The following RNF20 variants were observed in gnomAD, a reference collection of about 807,000 sequenced individuals.
RNF20 encodes E3 ubiquitin-protein ligase BRE1A.
Under a neutral mutation model 126.2 loss-of-function variants are expected in RNF20, and 84 were observed. The observed-to-expected ratio is 0.67, with a 90% CI of 0.56 to 0.80. The LOEUF (loss-of-function observed/expected upper bound fraction) is 0.80. Ranked by LOEUF, RNF20 falls within the 30% of genes least tolerant of loss-of-function variation. The pLI is 0.00. For synonymous variants in RNF20, 400 were observed against 414.3 expected, an observed-to-expected ratio of 0.97 and a Z score of 0.42; for missense variants, 869 against 1,188.2, an observed-to-expected ratio of 0.73 and a Z score of 3.95.
chr9:101,542,693 A>G (rs181180662), intron 5 of RNF20, among the ~76,000 whole-genome samples: 24 of 152,364 alleles, frequency 1.6e-4, no homozygotes, highest in South Asian at 1.2e-3. Context: ...TGCATAGACT[A>G]TGTTAAACTT....
At chr9:101,543,569 G>GTCTAACCTGCCAGGGCGGCACTC (rs1827296756) in intron 5 of RNF20, among the ~76,000 whole-genome samples, 2 of 146,612 alleles carry the variant, frequency 1.4e-5, no homozygotes, top group Non-Finnish European at 3.0e-5. Context: ...GGGCGGCACT[G>GTCTAACCTGCCAGGGCGGCACTC]TCTAACCTGC....
At chr9:101,535,753 T>C (rs1827172884) in intron 2 of RNF20, among the ~76,000 whole-genome samples, 1 of 152,332 alleles carries the variant, frequency 6.6e-6, no homozygotes, top group East Asian at 1.9e-4. Context: ...GTTTTCAAGG[T>C]GTACTTATAT....
intron 10 of RNF20, 63 bp from the exon 11 acceptor site, chr9:101,551,621 A>G: frequency 2.5e-6 from 2 of 801,774 alleles, no homozygotes; most frequent in Non-Finnish European, 3.4e-6. Context: ...TAATCCATAG[A>G]ATATGATGAT....
intron 9 of RNF20, among the ~76,000 whole-genome samples, chr9:101,550,298 A>G (rs1311220680): frequency 1.3e-5 from 2 of 152,312 alleles, no homozygotes; most frequent in South Asian, 2.1e-4. Flanking sequence ...GTCCTCAACT[A>G]TGTTTTTAAA....
chr9:101,537,099 G>A (rs1460148261), intron 2 of RNF20, among the ~76,000 whole-genome samples: 2 of 152,216 alleles, frequency 1.3e-5, no homozygotes, highest in African/African-American at 4.8e-5. Flanking sequence ...TCTCCAAAGT[G>A]TGCTTGAAGT....
chr9:101,561,687 G>A (rs1378606619), intron 18 of RNF20, among the ~76,000 whole-genome samples: 4 of 152,124 alleles, frequency 2.6e-5, no homozygotes, highest in Non-Finnish European at 5.9e-5. Flanking sequence ...GGACTGAATT[G>A]GTAATAGATG....
chr9:101,543,410 CCTGCCAGAGCGGCACTGTCTAACT>C (rs1827288908), intron 5 of RNF20, among the ~76,000 whole-genome samples: 1 of 136,278 alleles, frequency 7.3e-6, no homozygotes, highest in East Asian at 2.1e-4. Flanking sequence ...CACTGTCTAA[CCTGCCAGAGCGGCACTGTCTAACT>C]CTGCCAGGGC....
At chr9:101,556,869 T>C (rs893452475) in intron 15 of RNF20, among the ~76,000 whole-genome samples, 1 of 151,992 alleles carries the variant, frequency 6.6e-6, no homozygotes, top group African/African-American at 2.4e-5. Context: ...GCAAAAGAAA[T>C]GAGTTGGTTA....
At position 101,562,030 on chromosome 9, in the gene RNF20, G is replaced by A. The variant is rs1827635547; in HGVS notation, c.2751+19G>A. On this transcript the variant is annotated intron_variant, in intron 19 of 19. Transcript: ENST00000389120. ...TTACAAGGTTAGAAAAAATGCCTTA[G>A]TGATTAGTTTTTTGTCAAAGCTTTA... The A allele has an allele frequency of 6.4e-7, 1 of 1,556,950 alleles. No homozygotes were observed. The highest frequency in any genetic ancestry group is 1.4e-5 in the African/African-American group (1 of 73,070).
intron 6 of RNF20, among the ~76,000 whole-genome samples, chr9:101,545,355 G>T (rs1827331893): frequency 6.6e-6 from 1 of 152,108 alleles, no homozygotes; most frequent in Non-Finnish European, 1.5e-5. Flanking sequence ...CCTTAGTTTG[G>T]CCACTGAATT....
Position 101,547,172 on chromosome 9 carries a change from G to T in RNF20, c.930G>T (p.Gly310=). The T allele has an allele frequency of 1.2e-6, 2 of 1,614,126 alleles. No individual in the cohort carries two copies. Among genetic ancestry groups the T allele is most frequent in the African/African-American group, 2.7e-5 (2 of 75,024 alleles). ...AAGGTTATAAGGTGTATGGAGCGGG[G>T]AGCAGTCTGTATGGCGGCACAATCA... ...NSKGYKVYGA[G]SSLYGGTITI... is the part of the protein sequence containing the mutation. Residue 310 remains glycine, a synonymous_variant, in exon 8 of 20, where the codon GGG becomes GGT. Transcript: ENST00000389120.
At position 101,552,433 on chromosome 9, in the gene RNF20, G is replaced by A. The variant is rs757391432; in HGVS notation, c.1581G>A (p.Glu527=). ...TCCTGCAGTCCCAGTCTAGTACTGA[G>A]GACCCGAAGGATGAGCCTGCGGAGC... ...SALLQSQSST[E]DPKDEPAELK... Residue 527 remains glutamate (E), a synonymous_variant, in exon 13 of 20, where the codon GAG becomes GAA. Transcript: ENST00000389120. The A allele has an allele frequency of 1.9e-6, 3 of 1,611,344 alleles. No individual in the cohort carries two copies. Among genetic ancestry groups the A allele is most frequent in the Non-Finnish European group, 1.7e-6 (2 of 1,177,778 alleles).
intron 9 of RNF20, 97 bp downstream of exon 9, chr9:101,547,615 G>A: frequency 1.5e-6 from 2 of 1,363,468 alleles, no homozygotes; most frequent in South Asian, 1.4e-5. Context: ...TGAGGGATAA[G>A]AAAAATGTAG....
chr9:101,557,709 G>A, intron 16 of RNF20, 113 bp downstream of exon 16: 2 of 738,742 alleles, frequency 2.7e-6, no homozygotes, highest in Middle Eastern at 3.4e-4. Context: ...AAAAAAATTT[G>A]AAAACTAAAT....
chr9:101,540,303 A>C lies in RNF20; in HGVS notation c.230A>C (p.Glu77Ala). 6.2e-7 allele frequency: 1 copy of C among 1,614,228 alleles called. No individual in the cohort carries two copies. Among genetic ancestry groups the C allele is most frequent in the Non-Finnish European group, 8.5e-7 (1 of 1,180,042 alleles). The change falls in exon 3 of 20, where the codon GAA (glutamate) becomes GCA (alanine). Residue 77 changes from glutamate to alanine, a missense_variant. Around this residue, in one of 8 missense-constraint regions of RNF20, gnomAD observed 157 missense variants for 236.0 expected, o/e 0.67. Coordinates refer to ENST00000389120, the MANE Select transcript of RNF20 (RefSeq NM_019592.7). ...GAAGATGAACTTCGTGAGCACATTG[A>C]AAAACTGGAACGACGACAGGCCACT... is the stretch of plus-strand genomic sequence containing the variant. ...AIEDELREHIEKLERRQATDD... is the reference protein window; with the variant it reads ...AIEDELREHIAKLERRQATDD...
In RNF20 at chr9:101,562,341, C is replaced by T. The variant is rs1186975262; in HGVS notation, c.2847C>T (p.Arg949=). 1.2e-6 allele frequency: 2 copies of T among 1,613,900 alleles called. No individual in the cohort carries two copies. Among genetic ancestry groups the T allele is most frequent in the African/African-American group, 1.3e-5 (1 of 74,898 alleles). Residue 949 remains arginine, a synonymous_variant, in exon 20 of 20, where the codon CGC becomes CGT. Coordinates refer to ENST00000389120, the MANE Select transcript of RNF20 (RefSeq NM_019592.7). ...TCTGCTTTGAGTGTGTGAAGACACG[C>T]TATGACACCCGCCAGCGCAAATGTC... is the stretch of plus-strand genomic sequence containing the variant. ...HVFCFECVKT[R]YDTRQRKCPK... is the part of the protein sequence containing the mutation.
Position 101,552,489 on chromosome 9 carries a change from A to G in RNF20, c.1637A>G (p.Gln546Arg). The G allele has an allele frequency of 1.2e-6, 2 of 1,614,140 alleles. No individual in the cohort carries two copies. The highest frequency in any genetic ancestry group is 1.7e-6 in the Non-Finnish European group (2 of 1,179,970). The change falls in exon 13 of 20, where the codon CAG (glutamine) becomes CGG (arginine). Residue 546 changes from glutamine (Q) to arginine (R), a missense_variant. By Grantham distance (43) the Gln-to-Arg change is conservative (BLOSUM62 1). This residue lies in a region of RNF20 where 231 missense variants were observed against 263.6 expected (regional missense o/e 0.88). Coordinates refer to ENST00000389120, the MANE Select transcript of RNF20 (RefSeq NM_019592.7). ...CCAGATTCTGAGGACTTATCCTCCC[A>G]GTCCTCAGCTTCAAAGGCATCTCAG... ...LKPDSEDLSS[Q>R]SSASKASQED...
intron 5 of RNF20, among the ~76,000 whole-genome samples, chr9:101,542,281 T>G (rs984326934): frequency 1.3e-5 from 2 of 152,266 alleles, no homozygotes; most frequent in African/African-American, 4.8e-5. Flanking sequence ...AAACAGATAC[T>G]TGTTTAAAAA....
rs569304335 is a variant in RNF20 at position 101,562,159 on chromosome 9, G to T, written c.2752-87G>T. Reference sequence around the variant, plus strand: ...ATGCTCTTTTTTTAGTGCCTTGTGGGTTTTCTTCTTGGTTGTGTAGTATAT... The same window carrying T: ...ATGCTCTTTTTTTAGTGCCTTGTGGTTTTTCTTCTTGGTTGTGTAGTATAT... On this transcript the variant is annotated intron_variant, in intron 19 of 19. Coordinates refer to ENST00000389120, the MANE Select transcript of RNF20 (RefSeq NM_019592.7). 3,844 of 1,434,520 alleles carry T rather than the reference G, an allele frequency of 2.7e-3. 12 individuals are homozygous for T. Among genetic ancestry groups the T allele is most frequent in the Middle Eastern group, 6.6e-3 (34 of 5,174 alleles). The allele number at this position is 1,434,520 out of a possible 1,614,324, so 88.9% of individuals were successfully genotyped here.
Sources: gnomAD v4.1 joint callset for allele counts (sites outside exome capture counted in the v4.1 genomes callset) on GRCh38, gnomAD v4.1.1 for gene constraint, gnomAD v4.1.1 regional missense constraint, MANE v1.5 for transcripts, NCBI Gene and HGNC (gene_info 2026-07-23, HGNC 2026-07-21) for gene names.